GNAQ: variants seen among roughly 807,000 people sequenced by gnomAD.
GNAQ encodes the protein guanine nucleotide-binding protein G(q) subunit alpha.
In GNAQ, 8 loss-of-function variants were observed where a neutral mutation model predicts 43.9. The observed-to-expected ratio is 0.18, with a 90% CI of 0.11 to 0.33. The LOEUF is 0.33. GNAQ is among the 10% of genes least tolerant of loss of function. The pLI is 1.00. For missense variants in GNAQ, 158 were observed against 450.8 expected, an observed-to-expected ratio of 0.35 and a Z score of 5.88; for synonymous variants, 155 against 170.7, an observed-to-expected ratio of 0.91 and a Z score of 0.71.
chr9:77,732,685 A>C (rs1825514887), intron 5 of GNAQ, among the ~76,000 whole-genome samples: 1 of 152,170 alleles, frequency 6.6e-6, no homozygotes, highest in Non-Finnish European at 1.5e-5. Context: ...TAAAGGTTTT[A>C]CTACCCCTAA....
intron 5 of GNAQ, among the ~76,000 whole-genome samples, chr9:77,794,013 C>A (rs1291169945): frequency 1.3e-5 from 2 of 152,064 alleles, no homozygotes; most frequent in Non-Finnish European, 2.9e-5. Flanking sequence ...TGATTTAGAG[C>A]CCAGCTGCGA....
chr9:77,786,982 A>C (rs1826491849), intron 5 of GNAQ, among the ~76,000 whole-genome samples: 1 of 152,222 alleles, frequency 6.6e-6, no homozygotes, highest in South Asian at 2.1e-4. Flanking sequence ...ATTTTCATGC[A>C]ACAGAATACT....
intron 4 of GNAQ, among the ~76,000 whole-genome samples, chr9:77,797,086 G>A (rs989652127): frequency 1.3e-5 from 2 of 152,070 alleles, no homozygotes; most frequent in Non-Finnish European, 2.9e-5. Context: ...AGGCTGGAGT[G>A]CAGTGGCGCA....
chr9:77,901,984 C>A (rs1275686350), intron 2 of GNAQ, among the ~76,000 whole-genome samples: 1 of 152,188 alleles, frequency 6.6e-6, no homozygotes, highest in African/African-American at 2.4e-5. Flanking sequence ...ACCTTCATGA[C>A]TGAATCACCT....
chr9:77,955,910 A>G (rs954183420), intron 1 of GNAQ, among the ~76,000 whole-genome samples: 4 of 152,204 alleles, frequency 2.6e-5, no homozygotes, highest in African/African-American at 9.6e-5. Flanking sequence ...ACTTATTTCA[A>G]GACCAAGAGG....
At position 77,880,418 on chromosome 9, in the gene GNAQ, A is replaced by T. The variant is rs371030315; in HGVS notation, c.321+41743T>A. 3.9e-4 allele frequency among the ~76,000 whole-genome samples: 60 copies of T among 152,060 alleles called. 1 individual carries two copies. The South Asian group carries it at 0.012, about 30-fold the overall frequency. The stretch of plus-strand genomic sequence containing the variant: ...AACAGAGTCTCACTCTGTCACCTAA[A>T]CTGGAAGGCTGGAGTGCAGTGTTGT... On this transcript the variant is annotated intron_variant, in intron 2 of 6. Coordinates refer to ENST00000286548, the MANE Select transcript of GNAQ (RefSeq NM_002072.5).
intron 2 of GNAQ, among the ~76,000 whole-genome samples, chr9:77,894,768 A>T (rs1277587151): frequency 6.6e-6 from 1 of 151,822 alleles, no homozygotes; most frequent in African/African-American, 2.4e-5. Context: ...AATGGTGAGA[A>T]TAAATATTAT....
chr9:77,910,881 G>A (rs191744725), intron 2 of GNAQ, among the ~76,000 whole-genome samples: 11 of 152,224 alleles, frequency 7.2e-5, no homozygotes, highest in Admixed American at 6.5e-4. Context: ...CAGTTTTGTC[G>A]TAGAGTATGT....
At chr9:77,991,992 A>G (rs771653015) in intron 1 of GNAQ, among the ~76,000 whole-genome samples, 2 of 152,190 alleles carry the variant, frequency 1.3e-5, no homozygotes, top group Non-Finnish European at 2.9e-5. Flanking sequence ...GGCTGGTTCC[A>G]TATTTTTGCA....
chr9:78,018,629 C>G (rs542953312), intron 1 of GNAQ, among the ~76,000 whole-genome samples: 1 of 152,190 alleles, frequency 6.6e-6, no homozygotes, highest in East Asian at 1.9e-4. Context: ...CTTCTCGACT[C>G]AAACTTGGAC....
intron 2 of GNAQ, among the ~76,000 whole-genome samples, chr9:77,843,916 T>TGG (rs997407869): frequency 3.9e-5 from 6 of 152,160 alleles, no homozygotes; most frequent in Non-Finnish European, 8.8e-5. Context: ...GGGTTGTGTC[T>TGG]GGGTTCATTA....
At chr9:78,003,657 A>C (rs917876953) in intron 1 of GNAQ, among the ~76,000 whole-genome samples, 2 of 152,084 alleles carry the variant, frequency 1.3e-5, no homozygotes, top group Non-Finnish European at 2.9e-5. Context: ...TTTACTAAAA[A>C]TACAAAAAAT....
chr9:77,898,956 T>C (rs892259114), intron 2 of GNAQ, among the ~76,000 whole-genome samples: 4 of 152,184 alleles, frequency 2.6e-5, no homozygotes, highest in Non-Finnish European at 5.9e-5. Flanking sequence ...TAGTTCTACT[T>C]CAATGTTTAT....
At chr9:77,743,087 G>A (rs1020602361) in intron 5 of GNAQ, among the ~76,000 whole-genome samples, 20 of 152,180 alleles carry the variant, frequency 1.3e-4, no homozygotes, top group African/African-American at 4.6e-4. Context: ...GTGAAACCCC[G>A]TCTCTACTAA....
In GNAQ at chr9:77,716,404, AG is replaced by A. The variant is rs1825227774; in HGVS notation, c.*4918del. The A allele has an allele frequency of 4.3e-6, 1 of 232,580 alleles. No individual in the cohort carries two copies. Among genetic ancestry groups the A allele is most frequent in the Admixed American group, 5.6e-5 (1 of 17,766 alleles). 14.4% of individuals were successfully genotyped at this position (232,580 alleles called of 1,614,324 possible). ...AGTACATGCATTTGAATGACATTTT[AG>A]GAACAGTAAATATTCTTTTAAATAC... On this transcript the variant is annotated 3_prime_UTR_variant, in exon 7 of 7. Coordinates refer to ENST00000286548, the MANE Select transcript of GNAQ (RefSeq NM_002072.5).
rs185852316 is a variant in GNAQ at position 77,837,608 on chromosome 9, A to T, written c.322-21838T>A. On this transcript the variant is annotated intron_variant, in intron 2 of 6. Transcript: ENST00000286548. ...TGTTTCATCATATGATTGATTTTTT[A>T]AAAAAACAACAGTGTACCATTTTCC... Among the ~76,000 whole-genome samples the T allele has an allele frequency of 4.1e-3, 623 of 151,862 alleles. 3 individuals carry two copies. The highest frequency in any genetic ancestry group is 7.3e-3 in the Non-Finnish European group (494 of 67,952).
chr9:78,021,499 A>G (rs1296223101), intron 1 of GNAQ, among the ~76,000 whole-genome samples: 2 of 152,210 alleles, frequency 1.3e-5, no homozygotes, highest in East Asian at 3.8e-4. Flanking sequence ...TGAAAGCCCC[A>G]AGAAAATAAA....
In GNAQ at chr9:77,840,031, T is replaced by G. The variant is rs1165790697; in HGVS notation, c.322-24261A>C. On this transcript the variant is annotated intron_variant, in intron 2 of 6. Transcript: ENST00000286548. ...TTCCAAATGACTCAGTGATTCATCT[T>G]TAATTCATTTTTCCTGTCTGGGAAC... 3.9e-5 allele frequency among the ~76,000 whole-genome samples: 6 copies of G among 152,198 alleles called. No individual in the cohort carries two copies. In the East Asian group the frequency reaches 1.2e-3, roughly 29 times the overall value.
chr9:77,902,207 T>C (rs1451124807), intron 2 of GNAQ, among the ~76,000 whole-genome samples: 1 of 152,256 alleles, frequency 6.6e-6, no homozygotes, highest in Admixed American at 6.5e-5. Flanking sequence ...TTCTTACACC[T>C]TAAACAAGTT....
Sources: gnomAD v4.1 joint callset for allele counts (sites outside exome capture counted in the v4.1 genomes callset) on GRCh38, gnomAD v4.1.1 for gene constraint, MANE v1.5 for transcripts, NCBI Gene and HGNC (gene_info 2026-07-23, HGNC 2026-07-21) for gene names.